The following RMDN1 variants were observed in gnomAD, a reference collection of about 807,000 sequenced individuals.
RMDN1 encodes the protein regulator of microtubule dynamics 1.
A neutral mutation model predicts 48.9 loss-of-function variants in RMDN1; 48 were observed. That is an observed-to-expected ratio of 0.98 (90% CI 0.78 to 1.25). The LOEUF (loss-of-function observed/expected upper bound fraction) is 1.25. RMDN1 is among the 50% of genes most tolerant of loss of function. RMDN1 has a pLI of 0.00. For missense variants in RMDN1, 418 were observed against 373.4 expected (o/e 1.12, Z -0.98); for synonymous variants, 148 against 132.6 (o/e 1.12, Z -0.80).
At chr8:86,504,579 G>A (rs1818970691) in intron 2 of RMDN1, 2 of 1,128,708 alleles carry the variant, frequency 1.8e-6, no homozygotes, top group South Asian at 1.2e-5. Flanking sequence ...CAGGAAGGCG[G>A]ACCCTGCATA....
At chr8:86,509,765 T>C (rs1446696285), upstream of RMDN1, among the ~76,000 whole-genome samples, 2 of 152,228 alleles carry the variant, frequency 1.3e-5, no homozygotes, top group Non-Finnish European at 2.9e-5. Flanking sequence ...CCTTCTACTA[T>C]ATGATTGCTA....
chr8:86,480,313 G>C lies in RMDN1; in HGVS notation c.605C>G (p.Pro202Arg), dbSNP rs1241694693. ...EHFEKAIELN[P>R]KDATSIHLMG... ...AAGGTGAATTGAAGTAGCATCTTTA[G>C]GGTTCAGTTCAATTGCTTTCTAACA... Residue 202 changes from proline (P) to arginine (R), a missense_variant, in exon 6 of 10, where the codon CCT becomes CGT. By Grantham distance (103) the Pro-to-Arg change is moderately radical. Coordinates refer to ENST00000406452, the MANE Select transcript of RMDN1 (RefSeq NM_016033.3). 6.5e-7 allele frequency: 1 copy of C among 1,544,622 alleles called. No homozygotes were observed. Among genetic ancestry groups the C allele is most frequent in the Non-Finnish European group, 8.8e-7 (1 of 1,135,180 alleles).
chr8:86,498,642 GTAGTGGT>G (rs373098043), intron 2 of RMDN1, among the ~76,000 whole-genome samples: 8,256 of 151,912 alleles, frequency 0.054, 312 homozygotes, highest in Non-Finnish European at 0.086. Context: ...TTACCCAGGC[GTAGTGGT>G]ATACAACTGT....
chr8:86,513,155 A>G (rs374464789), upstream of RMDN1, among the ~76,000 whole-genome samples: 6 of 152,148 alleles, frequency 3.9e-5, no homozygotes, highest in African/African-American at 1.4e-4. Context: ...TGGGTGGATC[A>G]TCTGAGGTCG....
In RMDN1 at chr8:86,477,472, G is replaced by A. The variant is rs892608800; in HGVS notation, c.730-148C>T. ...ATAATGGTCACTTCTTCAACAGTGA[G>A]AGTTAACACCCAAAGTGAACGTAAC... On this transcript the variant is annotated intron_variant, in intron 7 of 9. Coordinates refer to ENST00000406452, the MANE Select transcript of RMDN1 (RefSeq NM_016033.3). 4.9e-5 allele frequency: 29 copies of A among 587,108 alleles called. No individual in the cohort carries two copies. In the Admixed American group the frequency reaches 9.5e-4, roughly 19 times the overall value. The allele number at this position is 587,108 out of a possible 1,614,324, so 36.4% of individuals were successfully genotyped here.
At chr8:86,482,112 G>A in intron 5 of RMDN1, 1 of 567,724 alleles carries the variant, frequency 1.8e-6, no homozygotes, top group African/African-American at 1.9e-5. Flanking sequence ...TTGAAAGGAG[G>A]CTCTGTAGGC....
At chr8:86,505,662 A>G (rs563458876) in intron 2 of RMDN1, among the ~76,000 whole-genome samples, 1 of 152,268 alleles carries the variant, frequency 6.6e-6, no homozygotes, top group Non-Finnish European at 1.5e-5. Context: ...TTTAAGTGTA[A>G]TTTTGCCAAA....
Position 86,484,934 on chromosome 8 carries a change from C to T in RMDN1, c.523G>A (p.Gly175Arg). The T allele has an allele frequency of 6.2e-7, 1 of 1,605,770 alleles. No homozygotes were observed. Among genetic ancestry groups the T allele is most frequent in the South Asian group, 1.1e-5 (1 of 90,110 alleles). ...TTAGCCTTGATGCCTTCATAATCTC[C>T]AACATCACTAAGGCAGATTGCATAC... Reference protein sequence around the residue: ...KWYAICLSDVGDYEGIKAKIA... With the variant: ...KWYAICLSDVRDYEGIKAKIA... The change falls in exon 5 of 10, where the codon GGA becomes AGA. Residue 175 changes from glycine to arginine, a missense_variant. By Grantham distance (125) the Gly-to-Arg change is moderately radical. Coordinates refer to ENST00000406452, the MANE Select transcript of RMDN1 (RefSeq NM_016033.3).
At chr8:86,491,512 C>T (rs1230945257) in intron 2 of RMDN1, among the ~76,000 whole-genome samples, 2 of 152,132 alleles carry the variant, frequency 1.3e-5, no homozygotes, top group African/African-American at 2.4e-5. Flanking sequence ...TCCACATATC[C>T]GCAAATCAGT....
intron 2 of RMDN1, among the ~76,000 whole-genome samples, chr8:86,493,896 AAATCCAAAAC>A (rs1816900143): frequency 6.6e-6 from 1 of 152,226 alleles, no homozygotes; most frequent in Non-Finnish European, 1.5e-5. Context: ...AAATATTCCA[AAATCCAAAAC>A]AATCCAAAAT....
At chr8:86,481,560 CTTTTTTTT>C (rs71275857) in intron 5 of RMDN1, among the ~76,000 whole-genome samples, 2,600 of 104,552 alleles carry the variant, frequency 0.025, 75 homozygotes, top group African/African-American at 0.087. Flanking sequence ...ATTAATTTTC[CTTTTTTTT>C]TTTTTTTTTT....
At position 86,487,947 on chromosome 8, in the gene RMDN1, A is replaced by C. The variant is rs565168213; in HGVS notation, c.335+605T>G. Among the ~76,000 whole-genome samples, 8 of 151,680 alleles carry C rather than the reference A, an allele frequency of 5.3e-5. 1 individual carries two copies. In the South Asian group the frequency reaches 1.7e-3, roughly 32 times the overall value. On this transcript the variant is annotated intron_variant, in intron 3 of 9. Transcript: ENST00000406452. ...CTCAATATTTTTAGTTTAGGAGATGAGGTAGATTAGTGATCTAGAAATGCT... is the reference window on the plus strand; with the variant it reads ...CTCAATATTTTTAGTTTAGGAGATGCGGTAGATTAGTGATCTAGAAATGCT...
chr8:86,473,955 C>T lies in RMDN1; in HGVS notation c.*353G>A, dbSNP rs1812935345. The T allele has an allele frequency of 2.0e-6, 2 of 1,020,806 alleles. No individual in the cohort carries two copies. Among genetic ancestry groups the T allele is most frequent in the South Asian group, 4.1e-5 (1 of 24,466 alleles). The allele number at this position is 1,020,806 out of a possible 1,614,324, so 63.2% of individuals were successfully genotyped here. The stretch of plus-strand genomic sequence containing the variant: ...TCAATCCAATTTGAAAATCCATCCC[C>T]CTGTATATCCCCTATAGATCCATTT... On this transcript the variant is annotated 3_prime_UTR_variant, in exon 10 of 10. Coordinates refer to ENST00000406452, the MANE Select transcript of RMDN1 (RefSeq NM_016033.3).
At chr8:86,497,285 T>C (rs908169618) in intron 2 of RMDN1, among the ~76,000 whole-genome samples, 2 of 151,852 alleles carry the variant, frequency 1.3e-5, no homozygotes, top group African/African-American at 4.8e-5. Flanking sequence ...ATAACAAAAT[T>C]AAGAGCTGAA....
chr8:86,500,681 C>A (rs1818059642), intron 2 of RMDN1, among the ~76,000 whole-genome samples: 1 of 152,092 alleles, frequency 6.6e-6, no homozygotes, highest in Non-Finnish European at 1.5e-5. Flanking sequence ...ATCCACCAAT[C>A]CCACTACTGA....
Position 86,508,530 on chromosome 8 carries a change from G to C in RMDN1, c.91C>G (p.Arg31Gly), listed in dbSNP as rs1381581094. The change falls in exon 1 of 10, where the codon CGC becomes GGC. Residue 31 changes from arginine (R) to glycine (G), a missense_variant. By Grantham distance (125) the Arg-to-Gly change is moderately radical. Coordinates refer to ENST00000406452, the MANE Select transcript of RMDN1 (RefSeq NM_016033.3). Reference protein sequence around the residue: ...SRLPAGTSGSRGHCGPCRFRG... With the variant: ...SRLPAGTSGSGGHCGPCRFRG... ...AATCGACAGGGGCCGCAATGCCCGC[G>C]GCTGCCCGAAGTCCCCGCAGGGAGA... 6.4e-7 allele frequency: 1 copy of C among 1,572,170 alleles called. No homozygotes were observed. The highest frequency in any genetic ancestry group is 8.6e-7 in the Non-Finnish European group (1 of 1,161,384).
At chr8:86,508,731 A>ACAGCACCTCTTCCGCCTCCTGCC (rs1262775364), upstream of RMDN1, 310 of 1,406,448 alleles carry the variant, frequency 2.2e-4, no homozygotes, top group Middle Eastern at 2.1e-3. Flanking sequence ...CGCCTCCTGC[A>ACAGCACCTCTTCCGCCTCCTGCC]CAGCACCTCT....
At chr8:86,489,271 TACTG>T (rs1347498689) in intron 2 of RMDN1, among the ~76,000 whole-genome samples, 2 of 152,326 alleles carry the variant, frequency 1.3e-5, no homozygotes, top group East Asian at 1.9e-4. Context: ...ATCTGGAACT[TACTG>T]ACACTATGCT....
At chr8:86,495,004 C>A (rs906733368) in intron 2 of RMDN1, 5 of 377,634 alleles carry the variant, frequency 1.3e-5, no homozygotes, top group Non-Finnish European at 2.5e-5. Flanking sequence ...TATGTAGTAA[C>A]TTTTTATGTC....
Sources: allele counts gnomAD v4.1 joint callset (sites outside exome capture counted in the v4.1 genomes callset), GRCh38; gene constraint gnomAD v4.1.1; transcripts MANE v1.5; gene names NCBI Gene and HGNC (gene_info 2026-07-23, HGNC 2026-07-21).